NEDD4L: variants seen among roughly 807,000 people sequenced by gnomAD.
NEDD4L encodes E3 ubiquitin-protein ligase NEDD4-like.
In NEDD4L, 54 loss-of-function variants were observed where a neutral mutation model predicts 148.9. That is an observed-to-expected ratio of 0.36 (90% CI 0.29 to 0.45). NEDD4L has a LOEUF of 0.45. Ranked by LOEUF, NEDD4L falls within the 20% of genes least tolerant of loss-of-function variation. NEDD4L has a pLI of 1.00. For synonymous variants in NEDD4L, 433 were observed against 440.7 expected, an observed-to-expected ratio of 0.98 and a Z score of 0.22; for missense variants, 856 against 1,233.8, an observed-to-expected ratio of 0.69 and a Z score of 4.59.
intron 18 of NEDD4L, among the ~76,000 whole-genome samples, chr18:58,355,812 T>A (rs1040572506): frequency 3.9e-5 from 6 of 152,000 alleles, no homozygotes; most frequent in African/African-American, 1.4e-4. Flanking sequence ...CTTTTTTTTT[T>A]TTTTTTAGCT....
intron 8 of NEDD4L, among the ~76,000 whole-genome samples, chr18:58,323,773 C>A (rs1047204738): frequency 6.6e-6 from 1 of 152,062 alleles, no homozygotes; most frequent in Non-Finnish European, 1.5e-5. Flanking sequence ...GTAGAAAAAC[C>A]CTCCTCTAGA....
chr18:58,376,768 G>T (rs1248383634), intron 24 of NEDD4L, among the ~76,000 whole-genome samples: 2 of 152,166 alleles, frequency 1.3e-5, no homozygotes, highest in Non-Finnish European at 2.9e-5. Context: ...TTGAGATAAA[G>T]ACCCCAACCT....
Position 58,044,792 on chromosome 18 carries a change from CG to C in NEDD4L, c.48+88del, listed in dbSNP as rs1417847496. 12 of 1,514,804 alleles carry C rather than the reference CG, an allele frequency of 7.9e-6. No homozygotes were observed. In the East Asian group the frequency reaches 3.1e-4, roughly 39 times the overall value. 93.8% of individuals were successfully genotyped at this position (1,514,804 alleles called of 1,614,324 possible). ...AGGGGGAGGGGAAAGGGGCCGTCCC[CG>C]GGGTGCTCGTGCCCAGCGTCTGCAG... On this transcript the variant is annotated intron_variant, in intron 1 of 30. Transcript: ENST00000400345.
intron 2 of NEDD4L, among the ~76,000 whole-genome samples, chr18:58,184,041 T>C (rs113820436): frequency 5.2e-4 from 79 of 152,042 alleles, no homozygotes; most frequent in East Asian, 1.2e-3. Context: ...TGGTGGCGGG[T>C]GCCTGTAGTC....
At position 58,341,733 on chromosome 18, in the gene NEDD4L, A is replaced by G; in HGVS notation, c.1313A>G (p.Glu438Gly). The change falls in exon 15 of 31, where the codon GAG becomes GGG. Residue 438 changes from glutamate to glycine, a missense_variant. Coordinates refer to ENST00000400345, the MANE Select transcript of NEDD4L (RefSeq NM_001144967.3). ...SATNSNNHLI[E>G]PQIRRPRSLS... ...ACAAACAGTAACAACCATCTAATCG[A>G]GCCTCAGATCCGCCGGCCTCGTAGC... 6.2e-7 allele frequency: 1 copy of G among 1,613,892 alleles called. No individual in the cohort carries two copies. Among genetic ancestry groups the G allele is most frequent in the Non-Finnish European group, 8.5e-7 (1 of 1,179,864 alleles).
At chr18:58,147,454 T>A (rs1423062373) in intron 1 of NEDD4L, among the ~76,000 whole-genome samples, 1 of 152,180 alleles carries the variant, frequency 6.6e-6, no homozygotes, top group Non-Finnish European at 1.5e-5. Context: ...TGGAACACAG[T>A]GTCCTGTATT....
At chr18:58,392,933 G>A (rs1391127236) in intron 30 of NEDD4L, among the ~76,000 whole-genome samples, 2 of 152,182 alleles carry the variant, frequency 1.3e-5, no homozygotes, top group African/African-American at 4.8e-5. Flanking sequence ...AGCCTTATGA[G>A]ATATGTTATT....
chr18:58,107,806 A>G (rs1387850975), intron 1 of NEDD4L, among the ~76,000 whole-genome samples: 1 of 151,878 alleles, frequency 6.6e-6, no homozygotes, highest in African/African-American at 2.4e-5. Flanking sequence ...TTAACCTCCC[A>G]GGCTCATATG....
In NEDD4L at chr18:58,358,893, T is replaced by C. The variant is rs73439479; in HGVS notation, c.1767+1641T>C. Among the ~76,000 whole-genome samples the C allele has an allele frequency of 4.7e-3, 716 of 152,344 alleles. 8 individuals are homozygous for C. The highest frequency in any genetic ancestry group is 0.013 in the African/African-American group (534 of 41,576). ...CTATTCATTTTTTTTTATTGATTTCTAATTTTATTGCATTATGGTCAGATA... is the reference window on the plus strand; with the variant it reads ...CTATTCATTTTTTTTTATTGATTTCCAATTTTATTGCATTATGGTCAGATA... On this transcript the variant is annotated intron_variant, in intron 19 of 30. Transcript: ENST00000400345.
chr18:58,093,987 C>G (rs1452592849), intron 1 of NEDD4L, among the ~76,000 whole-genome samples: 3 of 152,100 alleles, frequency 2.0e-5, no homozygotes, highest in African/African-American at 7.2e-5. Flanking sequence ...TTTCCTGAAG[C>G]CTGACTCCTT....
chr18:58,391,693 G>A (rs2049854051), intron 30 of NEDD4L, 134 bp downstream of exon 30: 4 of 659,642 alleles, frequency 6.1e-6, no homozygotes, highest in Non-Finnish European at 1.1e-5. Context: ...CAGTGATGTG[G>A]ATGAAAATAG....
intron 2 of NEDD4L, among the ~76,000 whole-genome samples, chr18:58,205,565 G>A (rs963091054): frequency 2.6e-5 from 4 of 151,900 alleles, no homozygotes; most frequent in Non-Finnish European, 5.9e-5. Context: ...GGTAGGGACT[G>A]TGGAGTGTGT....
intron 2 of NEDD4L, among the ~76,000 whole-genome samples, chr18:58,192,701 C>CTT (rs1568360626): frequency 5.3e-5 from 8 of 151,636 alleles, no homozygotes; most frequent in African/African-American, 1.9e-4. Context: ...AGGTACCTGT[C>CTT]TCTTTGAGGG....
chr18:58,185,130 G>C (rs188132752), intron 2 of NEDD4L, among the ~76,000 whole-genome samples: 1 of 152,240 alleles, frequency 6.6e-6, no homozygotes, highest in South Asian at 2.1e-4. Context: ...ATGTGCAGCT[G>C]AACAGTGGGC....
At chr18:58,290,834 G>A (rs972513128) in intron 5 of NEDD4L, among the ~76,000 whole-genome samples, 2 of 151,988 alleles carry the variant, frequency 1.3e-5, no homozygotes, top group Non-Finnish European at 2.9e-5. Flanking sequence ...TTTTCCTCTG[G>A]ATGTCCACTG....
chr18:58,102,541 A>C (rs1290132306), intron 1 of NEDD4L, among the ~76,000 whole-genome samples: 1 of 152,206 alleles, frequency 6.6e-6, no homozygotes, highest in Non-Finnish European at 1.5e-5. Flanking sequence ...TTAAAAATAC[A>C]GTTAACCCCC....
intron 5 of NEDD4L, among the ~76,000 whole-genome samples, chr18:58,289,711 T>C (rs1171697696): frequency 6.6e-6 from 1 of 152,192 alleles, no homozygotes. Context: ...CACCACCAAG[T>C]ATTTATTGAG....
intron 25 of NEDD4L, 56 bp from the exon 26 acceptor site, chr18:58,385,470 C>A: frequency 1.5e-6 from 2 of 1,375,722 alleles, no homozygotes; most frequent in Non-Finnish European, 2.1e-6. Flanking sequence ...GCGGAGAAAG[C>A]AGTGAGCACT....
intron 5 of NEDD4L, among the ~76,000 whole-genome samples, chr18:58,283,178 C>T (rs927132736): frequency 7.9e-5 from 12 of 152,138 alleles, no homozygotes; most frequent in Admixed American, 2.0e-4. Context: ...CGGGTTCAAG[C>T]GATTCTCCTG....
Sources: gnomAD v4.1 joint callset for allele counts (sites outside exome capture counted in the v4.1 genomes callset) on GRCh38, gnomAD v4.1.1 for gene constraint, MANE v1.5 for transcripts, NCBI Gene and HGNC (gene_info 2026-07-23, HGNC 2026-07-21) for gene names.